NTRK2: variants seen among roughly 807,000 people sequenced by gnomAD.
NTRK2 encodes BDNF/NT-3 growth factors receptor.
In NTRK2, 13 loss-of-function variants were observed where a neutral mutation model predicts 94.5. That is an observed-to-expected ratio of 0.14 (90% CI 0.09 to 0.22). NTRK2 has a LOEUF of 0.22. Among genes scored for constraint, NTRK2 ranks in the 10% least tolerant of loss-of-function variants. The probability of loss-of-function intolerance (pLI) is 1.00; values close to 1 mark genes in which losing one functional copy is unlikely to be tolerated. For synonymous variants in NTRK2, 372 were observed against 407.4 expected (o/e 0.91, Z 1.05); for missense variants, 639 against 1,071.2 (o/e 0.60, Z 5.63).
At chr9:84,818,308 T>C (rs1013736399) in intron 12 of NTRK2, among the ~76,000 whole-genome samples, 1 of 152,170 alleles carries the variant, frequency 6.6e-6, no homozygotes, top group Non-Finnish European at 1.5e-5. Context: ...GCCAGCCAGG[T>C]GTCTAGGGCA....
rs570022668 is a variant in NTRK2 at position 84,709,492 on chromosome 9, G to C, written c.429-1145G>C. On this transcript the variant is annotated intron_variant, in intron 5 of 18. Coordinates refer to ENST00000277120, the MANE Select transcript of NTRK2 (RefSeq NM_006180.6). ...CATTTTGGTGTTGGAGGGATACTTG[G>C]AGGCGATCAAGCAGACACAAATTAA... is the stretch of plus-strand genomic sequence containing the variant. Among the ~76,000 whole-genome samples the C allele has an allele frequency of 3.9e-5, 6 of 152,130 alleles. No homozygotes were observed. In the East Asian group the frequency reaches 1.2e-3, roughly 29 times the overall value.
At chr9:84,918,994 TCTAGA>T (rs1286817893) in intron 14 of NTRK2, among the ~76,000 whole-genome samples, 1 of 152,130 alleles carries the variant, frequency 6.6e-6, no homozygotes, top group Non-Finnish European at 1.5e-5. Flanking sequence ...TACAATCAAA[TCTAGA>T]CCCCTTCATC....
At chr9:84,728,644 G>A (rs1266945205) in intron 9 of NTRK2, among the ~76,000 whole-genome samples, 3 of 152,054 alleles carry the variant, frequency 2.0e-5, no homozygotes, top group African/African-American at 4.8e-5. Flanking sequence ...TTAGTGTCTT[G>A]GACTGTTTTG....
chr9:85,004,663 A>C (rs1037388330), intron 17 of NTRK2, among the ~76,000 whole-genome samples: 3 of 151,952 alleles, frequency 2.0e-5, no homozygotes, highest in Non-Finnish European at 4.4e-5. Context: ...GAAGATGCAC[A>C]AAAAAAAGAA....
At chr9:84,669,224 A>AGGT (rs1303528748), upstream of NTRK2, 1 of 152,548 alleles carries the variant, frequency 6.6e-6, no homozygotes, top group African/African-American at 2.4e-5. This position sits in a 1 kb window ranked among gnomAD's most constrained non-coding sequence, Gnocchi z 4.1. Flanking sequence ...CCTCCCTTTT[A>AGGT]GGCAGGGTGG....
intron 14 of NTRK2, among the ~76,000 whole-genome samples, chr9:84,888,570 G>A (rs558285871): frequency 1.3e-3 from 158 of 119,880 alleles, no homozygotes; most frequent in African/African-American, 4.2e-3. Flanking sequence ...CCGAGATAGC[G>A]CCACTGCACT....
At chr9:84,835,274 G>A (rs953464141) in intron 12 of NTRK2, among the ~76,000 whole-genome samples, 1 of 152,012 alleles carries the variant, frequency 6.6e-6, no homozygotes, top group Non-Finnish European at 1.5e-5. Flanking sequence ...ATCTTTCCTC[G>A]CTTGCCCCTT....
chr9:84,845,699 A>G (rs1459753783), intron 12 of NTRK2, among the ~76,000 whole-genome samples: 1 of 152,216 alleles, frequency 6.6e-6, no homozygotes, highest in East Asian at 1.9e-4. Context: ...ATTCTCATGT[A>G]TAAGTGGGAG....
chr9:84,903,500 C>T (rs1231552943), intron 14 of NTRK2, among the ~76,000 whole-genome samples: 1 of 152,180 alleles, frequency 6.6e-6, no homozygotes, highest in Non-Finnish European at 1.5e-5. Context: ...AACTAAAATA[C>T]TTAATAGCTC....
At chr9:84,850,928 G>A (rs1403113913) in intron 12 of NTRK2, among the ~76,000 whole-genome samples, 1 of 152,192 alleles carries the variant, frequency 6.6e-6, no homozygotes, top group Non-Finnish European at 1.5e-5. Context: ...GTGACCATGA[G>A]CATAGGCAGG....
intron 17 of NTRK2, among the ~76,000 whole-genome samples, chr9:84,969,570 T>C (rs1039494873): frequency 1.3e-5 from 2 of 152,264 alleles, no homozygotes; most frequent in Non-Finnish European, 1.5e-5. Context: ...AACACGTGTT[T>C]TTGTTAAAAC....
intron 12 of NTRK2, among the ~76,000 whole-genome samples, chr9:84,844,632 A>G (rs1375770293): frequency 3.5e-5 from 5 of 144,758 alleles, no homozygotes; most frequent in Admixed American, 2.9e-4. Flanking sequence ...AATGAAAACT[A>G]CAATGTAATA....
intron 14 of NTRK2, chr9:84,876,951 A>G: frequency 9.4e-7 from 1 of 1,060,872 alleles, no homozygotes; most frequent in Non-Finnish European, 1.1e-6. Flanking sequence ...TTTTATGGAC[A>G]TTGGATTTTA....
At chr9:84,850,785 G>A (rs1318763547) in intron 12 of NTRK2, among the ~76,000 whole-genome samples, 1 of 152,140 alleles carries the variant, frequency 6.6e-6, no homozygotes, top group Non-Finnish European at 1.5e-5. Flanking sequence ...CGCCCTTTTG[G>A]TGTTGGGAGC....
chr9:84,789,155 A>G (rs13292008), intron 12 of NTRK2, among the ~76,000 whole-genome samples: 3,948 of 152,306 alleles, frequency 0.026, 76 homozygotes, highest in Admixed American at 0.046. Flanking sequence ...TCTGCCTCTC[A>G]TTCAATGGCA....
chr9:84,830,741 A>G (rs9314735), intron 12 of NTRK2, among the ~76,000 whole-genome samples: 30,464 of 152,118 alleles, frequency 0.2, 3,155 homozygotes, highest in Non-Finnish European at 0.23. Context: ...TAGAATGGTA[A>G]TGAACTAATT....
chr9:84,730,190 TTC>T (rs1172201614), intron 9 of NTRK2, among the ~76,000 whole-genome samples: 1 of 152,218 alleles, frequency 6.6e-6, no homozygotes, highest in Non-Finnish European at 1.5e-5. Context: ...CGTTTTTTTG[TTC>T]TCTTTAAGTA....
intron 2 of NTRK2, 38 bp downstream of exon 2, chr9:84,670,998 C>G (rs1204678772): frequency 1.9e-6 from 3 of 1,589,416 alleles, no homozygotes; most frequent in Non-Finnish European, 2.6e-6. Context: ...TTCTCCTTGC[C>G]CCTAGGGCCC....
In NTRK2 at chr9:84,993,074, C is replaced by T. The variant is rs573380031; in HGVS notation, c.2173-27132C>T. ...TTCTTTAAATGTTCTTTTCTTGGCTCCCTTGATACCACACCACCTTGTTGG... is the reference window on the plus strand; with the variant it reads ...TTCTTTAAATGTTCTTTTCTTGGCTTCCTTGATACCACACCACCTTGTTGG... On this transcript the variant is annotated intron_variant, in intron 17 of 18. Coordinates refer to ENST00000277120, the MANE Select transcript of NTRK2 (RefSeq NM_006180.6). 3.3e-5 allele frequency among the ~76,000 whole-genome samples: 5 copies of T among 152,154 alleles called. No individual in the cohort carries two copies. The South Asian group carries it at 1.0e-3, about 32-fold the overall frequency.
Sources: allele counts gnomAD v4.1 joint callset (sites outside exome capture counted in the v4.1 genomes callset), GRCh38; gene constraint gnomAD v4.1.1; non-coding constraint Gnocchi (gnomAD v3.1); transcripts MANE v1.5; gene names NCBI Gene and HGNC (gene_info 2026-07-23, HGNC 2026-07-21).